Variants in EPB41 observed in about 807,000 individuals in gnomAD.
EPB41 encodes the protein erythrocyte membrane protein band 4.1.
Under a neutral mutation model 108.0 loss-of-function variants are expected in EPB41, and 65 were observed. The ratio of observed to expected loss-of-function variants is 0.60; its 90% confidence interval spans 0.49 to 0.74. EPB41 has a LOEUF of 0.74. EPB41 is among the 30% of genes least tolerant of loss of function. The pLI is 0.00. For missense variants in EPB41, 875 were observed against 1,037.0 expected (o/e 0.84, Z 2.15); for synonymous variants, 336 against 358.9 (o/e 0.94, Z 0.72).
intron 1 of EPB41, among the ~76,000 whole-genome samples, chr1:28,935,809 C>T (rs531152630): frequency 4.6e-5 from 7 of 151,750 alleles, no homozygotes; most frequent in Non-Finnish European, 5.9e-5. Flanking sequence ...ATCCCAGCTA[C>T]TCGGGAGGCT....
intron 2 of EPB41, among the ~76,000 whole-genome samples, chr1:28,990,891 T>C (rs563914049): frequency 1.3e-5 from 2 of 152,338 alleles, no homozygotes; most frequent in South Asian, 4.1e-4. Context: ...TAAAATCTCA[T>C]TCATTAAGAT....
chr1:28,922,043 C>T (rs2093135885), intron 1 of EPB41, among the ~76,000 whole-genome samples: 1 of 143,332 alleles, frequency 7.0e-6, no homozygotes, highest in Admixed American at 7.3e-5. Flanking sequence ...GATCTTGGCT[C>T]ACTGCAACCT....
intron 1 of EPB41, among the ~76,000 whole-genome samples, chr1:28,974,054 A>G (rs1329851076): frequency 6.6e-6 from 1 of 152,208 alleles, no homozygotes; most frequent in Non-Finnish European, 1.5e-5. Context: ...AAAGGTCCCA[A>G]TATCATTCAG....
At chr1:28,958,550 G>A (rs1299749461) in intron 1 of EPB41, among the ~76,000 whole-genome samples, 3 of 152,008 alleles carry the variant, frequency 2.0e-5, no homozygotes, top group Non-Finnish European at 4.4e-5. Context: ...AGTAGCTCAC[G>A]TCTGTAATCC....
chr1:28,987,966 A>G, intron 2 of EPB41, 61 bp downstream of exon 2: 1 of 1,560,204 alleles, frequency 6.4e-7, no homozygotes, highest in Non-Finnish European at 8.8e-7. Context: ...TTTATTTTTC[A>G]TTTAAGAGTA....
chr1:28,913,226 A>G (rs1026974960), upstream of EPB41, among the ~76,000 whole-genome samples: 2 of 152,068 alleles, frequency 1.3e-5, no homozygotes, highest in African/African-American at 4.8e-5. Flanking sequence ...AGAAGGGCGG[A>G]TCACGAGGTC....
At chr1:29,036,254 A>ATTTTTTT (rs71022387) in intron 10 of EPB41, among the ~76,000 whole-genome samples, 1 of 106,354 alleles carries the variant, frequency 9.4e-6, no homozygotes, top group African/African-American at 3.5e-5. Flanking sequence ...TCCACGTGTG[A>ATTTTTTT]TTTTTTTTTT....
chr1:28,974,091 A>G (rs1293799125), intron 1 of EPB41, among the ~76,000 whole-genome samples: 8 of 152,212 alleles, frequency 5.3e-5, no homozygotes, highest in Non-Finnish European at 8.8e-5. Flanking sequence ...GTGGTTTCAA[A>G]TTGCATCATT....
chr1:29,057,262 GC>G (rs1479456118), intron 12 of EPB41, among the ~76,000 whole-genome samples: 1 of 149,510 alleles, frequency 6.7e-6, no homozygotes, highest in Non-Finnish European at 1.5e-5. Context: ...TGTAGTCCCA[GC>G]TACTTGGGAG....
upstream of EPB41, among the ~76,000 whole-genome samples, chr1:28,912,861 C>T (rs2092329259): frequency 6.6e-6 from 1 of 152,110 alleles, no homozygotes; most frequent in African/African-American, 2.4e-5. Flanking sequence ...AGGTGATCCG[C>T]CTGCCTCAGC....
Position 29,064,812 on chromosome 1 carries a change from A to T in EPB41, c.2008-170A>T. 2 of 802,984 alleles carry T rather than the reference A, an allele frequency of 2.5e-6. 1 individual carries two copies. The highest frequency in any genetic ancestry group is 3.8e-5 in the South Asian group (2 of 53,012). 49.7% of individuals were successfully genotyped at this position (802,984 alleles called of 1,614,324 possible). A position where few individuals can be genotyped will look rare whatever the true frequency, so the allele number is the denominator to read the frequency against. On this transcript the variant is annotated intron_variant, in intron 15 of 20. Transcript: ENST00000343067. The stretch of plus-strand genomic sequence containing the variant: ...AAAGCACTTTATTTAAAGAAAAAAA[A>T]GGCAAGCAAATATACCATGTTGTAT...
intron 2 of EPB41, among the ~76,000 whole-genome samples, chr1:28,990,778 T>TA (rs2096001100): frequency 2.0e-5 from 3 of 152,182 alleles, no homozygotes; most frequent in South Asian, 4.1e-4. Context: ...ATCCATATCT[T>TA]GTTTTAGTTA....
chr1:28,911,264 C>T, upstream of EPB41: 1 of 724,012 alleles, frequency 1.4e-6, no homozygotes, highest in Non-Finnish European at 1.7e-6. Context: ...TAGTACTTTA[C>T]AGTTTACAAA....
At chr1:28,955,882 T>C (rs2094931004) in intron 1 of EPB41, among the ~76,000 whole-genome samples, 1 of 152,210 alleles carries the variant, frequency 6.6e-6, no homozygotes, top group African/African-American at 2.4e-5. Flanking sequence ...TTGAAAACAA[T>C]GACTTTTCAG....
In EPB41 at chr1:29,043,179, A is replaced by T. The variant is rs75228028; in HGVS notation, c.1636+3753A>T. Among the ~76,000 whole-genome samples, 806 of 152,294 alleles carry T rather than the reference A, an allele frequency of 5.3e-3. 24 individuals are homozygous for T. Among genetic ancestry groups the T allele is most frequent in the Admixed American group, 0.041 (628 of 15,286 alleles). On this transcript the variant is annotated intron_variant, in intron 11 of 20. Transcript: ENST00000343067. ...AATGCTGTGGAGAAAATAAAACAGG[A>T]TGAGGGATATAGACTATCTGGGGAT... is the stretch of plus-strand genomic sequence containing the variant.
intron 16 of EPB41, among the ~76,000 whole-genome samples, chr1:29,088,249 G>T (rs1348855772): frequency 6.6e-6 from 1 of 152,004 alleles, no homozygotes; most frequent in Non-Finnish European, 1.5e-5. Context: ...GTTTCGCCAT[G>T]TTGGCTAGGC....
At chr1:28,996,906 G>A (rs529713075) in intron 3 of EPB41, among the ~76,000 whole-genome samples, 6 of 151,898 alleles carry the variant, frequency 4.0e-5, no homozygotes, top group Non-Finnish European at 7.4e-5. Context: ...AGGCTGAGGC[G>A]GGGGAATCAC....
At chr1:29,091,895 C>G (rs1661320301) in intron 16 of EPB41, among the ~76,000 whole-genome samples, 1 of 152,064 alleles carries the variant, frequency 6.6e-6, no homozygotes, top group African/African-American at 2.4e-5. Flanking sequence ...TGAAGCTGGC[C>G]TGAAGTTCCT....
chr1:28,894,980 G>A (rs2147852476), intron 1 of EPB41, among the ~76,000 whole-genome samples: 1 of 152,298 alleles, frequency 6.6e-6, no homozygotes, highest in South Asian at 2.1e-4. Context: ...TAAGGGCTGG[G>A]CTCTGCCTGG....
Sources: allele counts gnomAD v4.1 joint callset (sites outside exome capture counted in the v4.1 genomes callset), GRCh38; gene constraint gnomAD v4.1.1; transcripts MANE v1.5; gene names NCBI Gene and HGNC (gene_info 2026-07-23, HGNC 2026-07-21).